DECR1: variants seen among roughly 807,000 people sequenced by gnomAD.
The protein encoded by DECR1 is 2,4-dienoyl-CoA reductase 1, also known as 2,4-dienoyl-CoA reductase [(3E)-enoyl-CoA-producing], mitochondrial.
DECR1 carries 44 observed loss-of-function variants against 38.8 expected under a neutral mutation model. The observed-to-expected ratio is 1.13, with a 90% confidence interval of 0.89 to 1.46. The LOEUF (loss-of-function observed/expected upper bound fraction) is 1.46, where lower values mean the gene tolerates loss of function less well. DECR1 is among the 40% of genes most tolerant of loss of function. DECR1 has a pLI of 0.00. For missense variants in DECR1, 428 were observed against 405.5 expected, an observed-to-expected ratio of 1.06 and a Z score of -0.48; for synonymous variants, 148 against 135.2, an observed-to-expected ratio of 1.09 and a Z score of -0.66.
chr8:90,050,362 A>T (rs1272873783), intron 8 of DECR1, among the ~76,000 whole-genome samples: 1 of 152,246 alleles, frequency 6.6e-6, no homozygotes, highest in African/African-American at 2.4e-5. Context: ...AAGTGGGCAA[A>T]GTGTATGAAC....
At chr8:90,042,919 T>G in intron 7 of DECR1, 119 bp downstream of exon 7, 1 of 825,286 alleles carries the variant, frequency 1.2e-6, no homozygotes, top group Non-Finnish European at 2.0e-6. Context: ...GAGCCCTGGT[T>G]CTAGGGAAGA....
intron 5 of DECR1, among the ~76,000 whole-genome samples, chr8:90,035,248 A>G (rs1344489463): frequency 2.0e-5 from 3 of 152,036 alleles, no homozygotes; most frequent in Non-Finnish European, 4.4e-5. Flanking sequence ...ATTGTAAGTT[A>G]TAGTTTTTAC....
chr8:90,040,973 C>T (rs976174549), intron 6 of DECR1, among the ~76,000 whole-genome samples: 4 of 152,108 alleles, frequency 2.6e-5, no homozygotes, highest in African/African-American at 9.7e-5. Flanking sequence ...ATTTATAATC[C>T]TTTGAGTATA....
chr8:90,045,362 C>T (rs200974453), intron 8 of DECR1, among the ~76,000 whole-genome samples: 4 of 152,218 alleles, frequency 2.6e-5, no homozygotes, highest in Admixed American at 2.0e-4. Context: ...TCTTAGCAAA[C>T]GGCACACCAG....
intron 5 of DECR1, 27 bp downstream of exon 5, chr8:90,021,083 T>C (rs752880164): frequency 8.4e-6 from 13 of 1,540,040 alleles, no homozygotes; most frequent in Middle Eastern, 1.7e-4. Flanking sequence ...TTCTCATATT[T>C]ATTTGGCTTC....
At chr8:90,051,174 T>TAA (rs200601445) in intron 8 of DECR1, among the ~76,000 whole-genome samples, 10 of 140,902 alleles carry the variant, frequency 7.1e-5, no homozygotes, top group South Asian at 6.7e-4. Flanking sequence ...CAAGTATAAT[T>TAA]AAAAAAAAAA....
chr8:90,001,532 C>T lies in DECR1; in HGVS notation c.40C>T (p.Arg14Trp). 1.9e-6 allele frequency: 3 copies of T among 1,613,898 alleles called. No individual in the cohort carries two copies. The highest frequency in any genetic ancestry group is 1.7e-5 in the Admixed American group (1 of 60,012). ...PARVFFTLGSRLPCGLAPRRF... is the reference protein window; with the variant it reads ...PARVFFTLGSWLPCGLAPRRF... ...CAGGGTTTTCTTTACTCTGGGGTCC[C>T]GGCTGCCCTGTGGCCTCGCTCCTCG... Residue 14 changes from arginine to tryptophan, a missense_variant, in exon 1 of 10, where the codon CGG (arginine) becomes TGG (tryptophan). Transcript: ENST00000220764.
intron 1 of DECR1, chr8:90,015,450 A>G (rs1203276731): frequency 7.1e-5 from 22 of 308,946 alleles, no homozygotes; most frequent in Non-Finnish European, 1.2e-4. Context: ...CTAAGCATAT[A>G]TTTTTATTTG....
rs1460992079 is a variant in DECR1 at position 90,004,493 on chromosome 8, A to C, written c.69+2932A>C. Among the ~76,000 whole-genome samples the C allele has an allele frequency of 2.0e-5, 3 of 152,202 alleles. No individual in the cohort carries two copies. The East Asian group carries it at 5.8e-4, about 29-fold the overall frequency. Reference sequence around the variant, plus strand: ...CCACCTAGAATTAACTTGGGTTAGCATTTGGTGTATATCATTCCAGGCATC... The same window carrying C: ...CCACCTAGAATTAACTTGGGTTAGCCTTTGGTGTATATCATTCCAGGCATC... On this transcript the variant is annotated intron_variant, in intron 1 of 9. Coordinates refer to ENST00000220764, the MANE Select transcript of DECR1 (RefSeq NM_001359.2).
chr8:90,002,228 AC>A (rs1812634912), intron 1 of DECR1, among the ~76,000 whole-genome samples: 1 of 152,204 alleles, frequency 6.6e-6, no homozygotes, highest in Admixed American at 6.5e-5. Flanking sequence ...CTGACCTTTG[AC>A]GTCCTTTGTT....
At position 90,028,000 on chromosome 8, in the gene DECR1, T is replaced by C. The variant is rs565985564; in HGVS notation, c.565+6944T>C. On this transcript the variant is annotated intron_variant, in intron 5 of 9. Transcript: ENST00000220764. ...GCTGAAATTTTCTTAATGCTTACTT[T>C]GTCATTTTCCAAGTGTTACTTTTCA... Among the ~76,000 whole-genome samples, 7 of 152,258 alleles carry C rather than the reference T, an allele frequency of 4.6e-5. No individual in the cohort carries two copies. In the East Asian group the frequency reaches 1.2e-3, roughly 25 times the overall value.
intron 1 of DECR1, among the ~76,000 whole-genome samples, chr8:90,002,505 A>C (rs1812642762): frequency 6.6e-6 from 1 of 152,178 alleles, no homozygotes; most frequent in African/African-American, 2.4e-5. Context: ...AAGAAGCAAT[A>C]ATATCCAAGA....
chr8:90,015,151 TCAAA>T (rs750587342), intron 1 of DECR1, among the ~76,000 whole-genome samples: 118 of 152,002 alleles, frequency 7.8e-4, no homozygotes, highest in Non-Finnish European at 1.3e-3. Context: ...TAAAAACCAA[TCAAA>T]CAAACAAACA....
chr8:90,037,316 G>A (rs1813639806), intron 6 of DECR1, among the ~76,000 whole-genome samples: 1 of 152,168 alleles, frequency 6.6e-6, no homozygotes. Flanking sequence ...ATCTTTATCA[G>A]TGCCATCCCT....
intron 8 of DECR1, among the ~76,000 whole-genome samples, chr8:90,050,188 A>C (rs2130184594): frequency 6.6e-6 from 1 of 152,370 alleles, no homozygotes; most frequent in African/African-American, 2.4e-5. Flanking sequence ...AGATCTAATT[A>C]AACTAAAGAG....
intron 6 of DECR1, 122 bp downstream of exon 6, chr8:90,037,062 A>G (rs908649713): frequency 6.0e-6 from 4 of 663,478 alleles, no homozygotes; most frequent in African/African-American, 1.8e-5. Context: ...TGGATTCACC[A>G]TGAGACATAC....
intron 5 of DECR1, among the ~76,000 whole-genome samples, chr8:90,029,636 AAT>A (rs1246337780): frequency 2.0e-5 from 3 of 152,178 alleles, no homozygotes; most frequent in Non-Finnish European, 4.4e-5. Context: ...TTTACAGTTT[AAT>A]TAAATTATCA....
chr8:90,031,129 A>G (rs1441272157), intron 5 of DECR1, among the ~76,000 whole-genome samples: 2 of 152,144 alleles, frequency 1.3e-5, no homozygotes, highest in Non-Finnish European at 2.9e-5. Flanking sequence ...AATCCTGGTT[A>G]ATACTTATTA....
In DECR1 at chr8:90,051,985, A is replaced by G. The variant is rs541854163; in HGVS notation, c.*88A>G. On this transcript the variant is annotated 3_prime_UTR_variant, in exon 10 of 10. Transcript: ENST00000220764. The stretch of plus-strand genomic sequence containing the variant: ...ATCTTTTGACTATTTCAAGTCTAAT[A>G]AATTCTTAATTAACAAACATTCATT... The G allele has an allele frequency of 3.4e-6, 4 of 1,179,668 alleles. No individual in the cohort carries two copies. The South Asian group carries it at 3.9e-5, about 12-fold the overall frequency. The allele number at this position is 1,179,668 out of a possible 1,614,324, so 73.1% of individuals were successfully genotyped here. A position where few individuals can be genotyped will look rare whatever the true frequency, so the allele number is the denominator to read the frequency against.
Sources: allele counts gnomAD v4.1 joint callset (sites outside exome capture counted in the v4.1 genomes callset), GRCh38; gene constraint gnomAD v4.1.1; transcripts MANE v1.5; gene names NCBI Gene and HGNC (gene_info 2026-07-23, HGNC 2026-07-21).